Variants in FANCI observed in about 807,000 individuals in gnomAD.
FANCI encodes the protein Fanconi anemia group I protein.
In FANCI, 156 loss-of-function variants were observed where a neutral mutation model predicts 176.1. The observed-to-expected ratio is 0.89, with a 90% CI of 0.78 to 1.01. The LOEUF (loss-of-function observed/expected upper bound fraction) is 1.01. Among genes scored for constraint, FANCI ranks in the 50% least tolerant of loss-of-function variants. The pLI is 0.00. For synonymous variants in FANCI, 613 were observed against 541.7 expected (o/e 1.13, Z -1.83); for missense variants, 1,678 against 1,534.1 (o/e 1.09, Z -1.57).
At chr15:89,251,919 T>C (rs796894547) in intron 2 of FANCI, among the ~76,000 whole-genome samples, 10 of 152,312 alleles carry the variant, frequency 6.6e-5, no homozygotes, top group African/African-American at 1.9e-4. Flanking sequence ...AACAAAGCAA[T>C]GATGCCTACT....
At chr15:89,263,370 T>A (rs201478943) in intron 6 of FANCI, 49 bp from the exon 7 acceptor site, 5 of 1,527,092 alleles carry the variant, frequency 3.3e-6, no homozygotes, top group Non-Finnish European at 4.5e-6. Context: ...TACAAAGTTA[T>A]ATCTAAATAA....
Position 89,292,832 on chromosome 15 carries a change from A to G in FANCI, c.2137A>G (p.Met713Val). 1 of 1,614,138 alleles carries G rather than the reference A, an allele frequency of 6.2e-7. No individual in the cohort carries two copies. Among genetic ancestry groups the G allele is most frequent in the Non-Finnish European group, 8.5e-7 (1 of 1,180,018 alleles). ...TATATTGGAGTCCATTACTAATAGA[A>G]TGATTAAGAGTGAGCTGGAAGACTT... The part of the protein sequence containing the change: ...DDILESITNR[M>V]IKSELEDFEL... The change falls in exon 21 of 38, where the codon ATG becomes GTG. Residue 713 changes from methionine (M) to valine (V), a missense_variant. Around this residue, in one of 3 missense-constraint regions of FANCI, gnomAD observed 1,204 missense variants for 1,077.4 expected, o/e 1.12. Coordinates refer to ENST00000310775, the MANE Select transcript of FANCI (RefSeq NM_001113378.2).
rs553958845 is a variant in FANCI at position 89,295,537 on chromosome 15, A to C, written c.2636+443A>C. Among the ~76,000 whole-genome samples the C allele has an allele frequency of 3.9e-5, 6 of 152,084 alleles. No individual in the cohort carries two copies. In the East Asian group the frequency reaches 9.7e-4, roughly 25 times the overall value. On this transcript the variant is annotated intron_variant, in intron 24 of 37. Transcript: ENST00000310775. ...AAAAATTAGCCTGGCATGGTGGCAC[A>C]TGCCTGTCATACCAGCTACTCGGGA...
Position 89,299,099 on chromosome 15 carries a change from G to GGGA in FANCI, c.2637-698_2637-696dup, listed in dbSNP as rs538645923. ...TGAGGCAGGAAGACCACTTGAATCT[G>GGGA]GGAGGTGTGAGTTTGCAGTGAGATC... On this transcript the variant is annotated intron_variant, in intron 24 of 37. Coordinates refer to ENST00000310775, the MANE Select transcript of FANCI (RefSeq NM_001113378.2). Among the ~76,000 whole-genome samples the GGGA allele has an allele frequency of 1.9e-4, 29 of 151,782 alleles. No individual in the cohort carries two copies. The South Asian group carries it at 3.1e-3, about 16-fold the overall frequency.
At chr15:89,271,559 C>T (rs368925192) in intron 10 of FANCI, among the ~76,000 whole-genome samples, 1 of 152,160 alleles carries the variant, frequency 6.6e-6, no homozygotes. Flanking sequence ...AGTGCAATAT[C>T]ATGATCATGG....
At chr15:89,313,476 T>TA (rs1456624009) in intron 35 of FANCI, among the ~76,000 whole-genome samples, 4 of 152,234 alleles carry the variant, frequency 2.6e-5, no homozygotes, top group South Asian at 2.1e-4. Context: ...TAAAATAACT[T>TA]ACGATACTCA....
intron 4 of FANCI, among the ~76,000 whole-genome samples, chr15:89,261,143 T>A (rs772219102): frequency 2.0e-5 from 3 of 151,970 alleles, no homozygotes; most frequent in Non-Finnish European, 4.4e-5. Context: ...TCGTGGCGCA[T>A]GTCAGTGGTC....
At chr15:89,274,071 A>G (rs1017171592) in intron 11 of FANCI, 97 bp from the exon 12 acceptor site, 54 of 931,824 alleles carry the variant, frequency 5.8e-5, no homozygotes, top group Non-Finnish European at 7.9e-5. Flanking sequence ...CATGAGCTAT[A>G]TAATATTTGC....
At chr15:89,257,089 G>C (rs1329737827) in intron 2 of FANCI, among the ~76,000 whole-genome samples, 1 of 151,974 alleles carries the variant, frequency 6.6e-6, no homozygotes, top group East Asian at 1.9e-4. Flanking sequence ...TGTATTTTTA[G>C]TAGAGACGGG....
intron 8 of FANCI, 83 bp from the exon 9 acceptor site, chr15:89,264,436 ATTC>A: frequency 6.5e-6 from 7 of 1,077,400 alleles, no homozygotes; most frequent in Non-Finnish European, 8.5e-6. Flanking sequence ...GTACTGGAGA[ATTC>A]TTTAAGCTGA....
At chr15:89,316,203 C>CT in intron 37 of FANCI, 194 bp from the exon 38 acceptor site, 1 of 629,828 alleles carries the variant, frequency 1.6e-6, no homozygotes, top group Non-Finnish European at 2.8e-6. Flanking sequence ...GTGCCACTGT[C>CT]TTATTACTCT....
chr15:89,284,572 G>A (rs2053744261), intron 17 of FANCI, among the ~76,000 whole-genome samples: 1 of 152,206 alleles, frequency 6.6e-6, no homozygotes, highest in Non-Finnish European at 1.5e-5. Context: ...CAGGCAGTAT[G>A]AACTACATTA....
chr15:89,258,029 C>A (rs1345899397), intron 2 of FANCI, among the ~76,000 whole-genome samples: 1 of 151,992 alleles, frequency 6.6e-6, no homozygotes, highest in African/African-American at 2.4e-5. Context: ...TCAAACTCAT[C>A]TTCTACTACT....
intron 19 of FANCI, 36 bp from the exon 20 acceptor site, chr15:89,291,577 T>G: frequency 6.5e-7 from 1 of 1,548,106 alleles, no homozygotes. Context: ...AAAGCATTTA[T>G]GAGCCAAGAT....
intron 20 of FANCI, among the ~76,000 whole-genome samples, chr15:89,292,054 C>A (rs2054089491): frequency 6.6e-6 from 1 of 152,124 alleles, no homozygotes; most frequent in South Asian, 2.1e-4. Flanking sequence ...AGGGGACCTG[C>A]TTCATTAGTC....
chr15:89,258,784 T>C lies in FANCI; in HGVS notation c.157+8T>C. ...TGAGAGCCATCTTCAAAGGTAATAA[T>C]AATTAATGTCACTTCTGTCTGTCTC... On this transcript the variant is annotated splice_region_variant and intron_variant, in intron 3 of 37. Coordinates refer to ENST00000310775, the MANE Select transcript of FANCI (RefSeq NM_001113378.2). The C allele has an allele frequency of 1.3e-6, 2 of 1,592,990 alleles. No individual in the cohort carries two copies. The highest frequency in any genetic ancestry group is 2.7e-5 in the African/African-American group (2 of 74,702).
intron 2 of FANCI, among the ~76,000 whole-genome samples, chr15:89,254,302 G>T (rs754772039): frequency 6.6e-6 from 1 of 152,174 alleles, no homozygotes; most frequent in Non-Finnish European, 1.5e-5. Context: ...GGGAACCAGG[G>T]CTCTTCAGAG....
chr15:89,275,170 C>T (rs1313227072), intron 12 of FANCI, among the ~76,000 whole-genome samples: 1 of 148,634 alleles, frequency 6.7e-6, no homozygotes, highest in African/African-American at 2.5e-5. Flanking sequence ...TCAACTGATC[C>T]TCCTGCCTCA....
At chr15:89,247,934 T>C (rs769496711) in intron 2 of FANCI, among the ~76,000 whole-genome samples, 12 of 152,210 alleles carry the variant, frequency 7.9e-5, no homozygotes, top group Non-Finnish European at 1.0e-4. Context: ...TGAGGGCATT[T>C]GTGACCAAGT....
Sources: allele counts gnomAD v4.1 joint callset (sites outside exome capture counted in the v4.1 genomes callset), GRCh38; gene constraint gnomAD v4.1.1; regional missense constraint gnomAD v4.1.1; transcripts MANE v1.5; gene names NCBI Gene and HGNC (gene_info 2026-07-23, HGNC 2026-07-21).